The following RYR3 variants were observed in gnomAD, a reference collection of about 807,000 sequenced individuals.
The protein encoded by RYR3 is brain ryanodine receptor-calcium release channel.
In RYR3, 207 loss-of-function variants were observed where a neutral mutation model predicts 584.3. The observed-to-expected ratio is 0.35, with a 90% CI of 0.32 to 0.40. The LOEUF is 0.40. RYR3 is among the 10% of genes least tolerant of loss of function. RYR3 has a pLI of 1.00. For missense variants in RYR3, 5,616 were observed against 6,089.2 expected (o/e 0.92, Z 2.59); for synonymous variants, 2,416 against 2,248.5 (o/e 1.07, Z -2.11).
rs765377131 is a variant in RYR3, at chr15:33,632,943, T to C, written c.2868-6T>C. 4 of 1,606,676 alleles carry C rather than the reference T, an allele frequency of 2.5e-6. No individual in the cohort carries two copies. The highest frequency in any genetic ancestry group is 1.1e-5 in the South Asian group (1 of 89,496). ...TAAAAATGTATACTTTTACATTTACTTGTAGCTATATGATGTCCAACGGCT... is the reference window on the plus strand; with the variant it reads ...TAAAAATGTATACTTTTACATTTACCTGTAGCTATATGATGTCCAACGGCT... On this transcript the variant is annotated splice_region_variant and splice_polypyrimidine_tract_variant and intron_variant, in intron 23 of 103. Transcript: ENST00000634891.
chr15:33,834,324 AGTG>A (rs1567275974), intron 86 of RYR3, among the ~76,000 whole-genome samples: 4,733 of 130,824 alleles, frequency 0.036, 196 homozygotes, highest in African/African-American at 0.11. Context: ...ACACACACAC[AGTG>A]AGATTAACAT....
intron 69 of RYR3, among the ~76,000 whole-genome samples, chr15:33,802,263 A>G (rs896803827): frequency 9.2e-5 from 14 of 152,210 alleles, no homozygotes; most frequent in Admixed American, 4.6e-4. Context: ...TTAAAATAGA[A>G]CTTCTTCCTG....
intron 38 of RYR3, among the ~76,000 whole-genome samples, chr15:33,695,330 C>G (rs1322267366): frequency 6.6e-6 from 1 of 152,200 alleles, no homozygotes; most frequent in Non-Finnish European, 1.5e-5. Flanking sequence ...CAATGCCAAT[C>G]AGCAATTTTC....
At chr15:33,644,820 C>T (rs1208725692) in intron 28 of RYR3, among the ~76,000 whole-genome samples, 7 of 152,108 alleles carry the variant, frequency 4.6e-5, no homozygotes, top group East Asian at 1.9e-4. Flanking sequence ...ATATAGTATT[C>T]GGAGACCTTA....
At chr15:33,468,319 A>G (rs1210455387) in intron 1 of RYR3, among the ~76,000 whole-genome samples, 1 of 152,182 alleles carries the variant, frequency 6.6e-6, no homozygotes, top group Non-Finnish European at 1.5e-5. Context: ...TGGTTTTCTC[A>G]TTCTTAAAGT....
intron 18 of RYR3, among the ~76,000 whole-genome samples, chr15:33,606,609 C>G (rs577886305): frequency 6.6e-6 from 1 of 152,256 alleles, no homozygotes; most frequent in Non-Finnish European, 1.5e-5. Context: ...TCTGTCTAAC[C>G]CTCCCTACAG....
At chr15:33,460,836 G>A (rs1345444513) in intron 1 of RYR3, among the ~76,000 whole-genome samples, 1 of 151,314 alleles carries the variant, frequency 6.6e-6, no homozygotes, top group African/African-American at 2.4e-5. Context: ...TTCCTGCTTG[G>A]CCCACCACTT....
At chr15:33,600,783 C>T (rs888895224) in intron 16 of RYR3, among the ~76,000 whole-genome samples, 1 of 152,100 alleles carries the variant, frequency 6.6e-6, no homozygotes, top group South Asian at 2.1e-4. Context: ...CTACCATCAC[C>T]CCACCTACAG....
At position 33,602,733 on chromosome 15, in the gene RYR3, C is replaced by CTTT. The variant is rs10578832; in HGVS notation, c.1923-363_1923-361dup. Among the ~76,000 whole-genome samples the CTTT allele has an allele frequency of 2.1e-4, 16 of 75,230 alleles. 1 individual carries two copies. Among genetic ancestry groups the CTTT allele is most frequent in the African/African-American group, 7.3e-4 (13 of 17,724 alleles). 49.4% of individuals were successfully genotyped at this position (75,230 alleles called of 152,430 possible). ...TTGAGGGTCCTAAGCTTTTTCTAGT[C>CTTT]TTTTTTTTTTTTTTTTTTTTTTTTT... On this transcript the variant is annotated intron_variant, in intron 17 of 103. Transcript: ENST00000634891.
chr15:33,802,609 T>C (rs2075979328), intron 69 of RYR3, among the ~76,000 whole-genome samples: 1 of 152,176 alleles, frequency 6.6e-6, no homozygotes, highest in African/African-American at 2.4e-5. Context: ...TCCCACCTCC[T>C]CTTGCGTCGG....
chr15:33,502,871 T>C (rs962803335), intron 2 of RYR3, among the ~76,000 whole-genome samples: 2 of 152,128 alleles, frequency 1.3e-5, no homozygotes, highest in Non-Finnish European at 2.9e-5. Context: ...CCCTCTCTTA[T>C]AGGATGGTTG....
At chr15:33,684,547 A>G (rs563365817) in intron 38 of RYR3, among the ~76,000 whole-genome samples, 3 of 152,328 alleles carry the variant, frequency 2.0e-5, no homozygotes, top group South Asian at 2.1e-4. Context: ...ATCCAGGAAA[A>G]CTTCCCCAAT....
rs114547594 is a variant in RYR3, at chr15:33,723,935, C to T, written c.6801-130C>T. 995 of 602,120 alleles carry T rather than the reference C, an allele frequency of 1.7e-3. 9 individuals are homozygous for T. Among genetic ancestry groups the T allele is most frequent in the African/African-American group, 0.016 (888 of 53,826 alleles). 37.3% of individuals were successfully genotyped at this position (602,120 alleles called of 1,614,324 possible). On this transcript the variant is annotated intron_variant, in intron 44 of 103. Transcript: ENST00000634891. ...CACTTTGTCAACTTCTAGAGGAAGA[C>T]GAGGTTCCAAGGGAAAGGATGTATG...
At chr15:33,376,614 A>C (rs774136251) in intron 1 of RYR3, among the ~76,000 whole-genome samples, 1 of 152,236 alleles carries the variant, frequency 6.6e-6, no homozygotes, top group Non-Finnish European at 1.5e-5. Flanking sequence ...AGTTGCGACT[A>C]TAACAGCCAA....
At position 33,731,464 on chromosome 15, in the gene RYR3, C is replaced by T. The variant is rs1185961054; in HGVS notation, c.7204-10C>T. The T allele has an allele frequency of 1.3e-6, 2 of 1,598,746 alleles. No individual in the cohort carries two copies. Among genetic ancestry groups the T allele is most frequent in the South Asian group, 1.1e-5 (1 of 88,910 alleles). ...GGCAATTAACCTGTGTCCCAATCTT[C>T]TTTCTCTAGGTTTCCCTAAGCACCA... On this transcript the variant is annotated splice_polypyrimidine_tract_variant and intron_variant, in intron 47 of 103. Coordinates refer to ENST00000634891, the MANE Select transcript of RYR3 (RefSeq NM_001036.6).
At position 33,717,152 on chromosome 15, in the gene RYR3, C is replaced by T. The variant is rs541254880; in HGVS notation, c.6620-5563C>T. On this transcript the variant is annotated intron_variant, in intron 43 of 103. Coordinates refer to ENST00000634891, the MANE Select transcript of RYR3 (RefSeq NM_001036.6). The stretch of plus-strand genomic sequence containing the variant: ...ATATCTGGGCTACTACTGCACCATC[C>T]ACCCTGCATGGTTTCATGGCTTTGA... Among the ~76,000 whole-genome samples the T allele has an allele frequency of 4.6e-5, 7 of 152,288 alleles. No homozygotes were observed. In the South Asian group the frequency reaches 1.0e-3, roughly 23 times the overall value.
At chr15:33,433,075 A>G (rs1253535047) in intron 1 of RYR3, among the ~76,000 whole-genome samples, 2 of 152,104 alleles carry the variant, frequency 1.3e-5, no homozygotes, top group Non-Finnish European at 2.9e-5. Flanking sequence ...GACTCATGCA[A>G]ACATTCTAGA....
At chr15:33,475,704 A>C (rs772274255) in intron 2 of RYR3, among the ~76,000 whole-genome samples, 6 of 152,202 alleles carry the variant, frequency 3.9e-5, no homozygotes, top group Admixed American at 6.5e-5. Flanking sequence ...CTAAACCAGG[A>C]CCTTGGACAA....
intron 98 of RYR3, chr15:33,856,647 G>GTTTT (rs60494844): frequency 6.7e-4 from 103 of 154,108 alleles, no homozygotes; most frequent in African/African-American, 1.6e-3. Flanking sequence ...GAACCTTTGG[G>GTTTT]TTTTTTGTTT....
Sources: allele counts gnomAD v4.1 joint callset (sites outside exome capture counted in the v4.1 genomes callset), GRCh38; gene constraint gnomAD v4.1.1; transcripts MANE v1.5; gene names NCBI Gene and HGNC (gene_info 2026-07-23, HGNC 2026-07-21).